ANKFN1: variants seen among roughly 807,000 people sequenced by gnomAD.
ANKFN1 encodes the protein ankyrin repeat and fibronectin type-III domain-containing protein 1.
In ANKFN1, 74 loss-of-function variants were observed where a neutral mutation model predicts 108.7. That is an observed-to-expected ratio of 0.68 (90% confidence interval 0.56 to 0.83). The LOEUF is 0.83. Ranked by LOEUF, ANKFN1 falls within the 40% of genes least tolerant of loss-of-function variation. The pLI, the probability that ANKFN1 is intolerant of heterozygous loss-of-function variation, is 0.00. For missense variants in ANKFN1, 1,505 were observed against 1,382.3 expected (o/e 1.09, Z -1.41); for synonymous variants, 547 against 516.2 (o/e 1.06, Z -0.81).
At chr17:56,217,224 A>G (rs1915488376) in intron 2 of ANKFN1, among the ~76,000 whole-genome samples, 2 of 152,124 alleles carry the variant, frequency 1.3e-5, no homozygotes, top group East Asian at 1.9e-4. Flanking sequence ...TCACCTCTCT[A>G]CTGTTCAACA....
intron 1 of ANKFN1, among the ~76,000 whole-genome samples, chr17:56,202,072 T>C (rs992823340): frequency 6.6e-6 from 1 of 152,206 alleles, no homozygotes; most frequent in Non-Finnish European, 1.5e-5. Flanking sequence ...TCCAGTCCTT[T>C]AATCTTTTCC....
chr17:56,147,641 C>T (rs916978386), intron 4 of ANKFN1, among the ~76,000 whole-genome samples: 6 of 152,166 alleles, frequency 3.9e-5, no homozygotes, highest in East Asian at 1.9e-4. Context: ...CCACCCTTGA[C>T]GTGTGGGGAT....
At chr17:56,489,178 A>ACTAT (rs1568044390) in intron 18 of ANKFN1, among the ~76,000 whole-genome samples, 1 of 152,214 alleles carries the variant, frequency 6.6e-6, no homozygotes. Flanking sequence ...TTAGTCTGCC[A>ACTAT]CTATCTTATG....
chr17:56,171,777 G>A (rs1239045301), intron 1 of ANKFN1, among the ~76,000 whole-genome samples: 3 of 152,148 alleles, frequency 2.0e-5, no homozygotes, highest in Non-Finnish European at 4.4e-5. Context: ...CAGATGAGAA[G>A]ATAGAAAACA....
intron 19 of ANKFN1, among the ~76,000 whole-genome samples, chr17:56,492,849 G>A (rs998476826): frequency 6.6e-6 from 1 of 152,142 alleles, no homozygotes; most frequent in African/African-American, 2.4e-5. Flanking sequence ...GTTAAGATCA[G>A]AAAATGTGTT....
intron 3 of ANKFN1, among the ~76,000 whole-genome samples, chr17:56,312,952 C>T (rs142922202): frequency 0.025 from 3,745 of 152,090 alleles, 126 homozygotes; most frequent in East Asian, 0.096. Flanking sequence ...GTCAGGAGTT[C>T]AAGACCAGCC....
intron 3 of ANKFN1, among the ~76,000 whole-genome samples, chr17:56,279,427 AC>A (rs2044014046): frequency 6.6e-6 from 1 of 152,140 alleles, no homozygotes. Context: ...CTGTGTTTTC[AC>A]CCAAGAAGCA....
chr17:56,266,474 C>T (rs1017581416), intron 3 of ANKFN1, among the ~76,000 whole-genome samples: 4 of 152,204 alleles, frequency 2.6e-5, no homozygotes, highest in East Asian at 1.9e-4. Context: ...TGATAACCTA[C>T]TCTGTGCACA....
At position 56,485,708 on chromosome 17, in the gene ANKFN1, A is replaced by G. The variant is rs2050833199; in HGVS notation, c.2260+3184A>G. On this transcript the variant is annotated intron_variant, in intron 18 of 20. Transcript: ENST00000682825. ...ACCCAGCATTTTCCAAATTCATTTG[A>G]CGATGACTAGAGCAATGTTTTTCAT... is the stretch of plus-strand genomic sequence containing the variant. Among the ~76,000 whole-genome samples, 3 of 152,240 alleles carry G rather than the reference A, an allele frequency of 2.0e-5. No homozygotes were observed. In the South Asian group the frequency reaches 6.2e-4, roughly 32 times the overall value.
chr17:56,301,801 A>T (rs1598376963), intron 3 of ANKFN1, among the ~76,000 whole-genome samples: 1 of 152,232 alleles, frequency 6.6e-6, no homozygotes, highest in Non-Finnish European at 1.5e-5. Context: ...GAGACTGCAT[A>T]TGACATTGAC....
At chr17:56,449,053 C>T (rs769396902) in intron 10 of ANKFN1, 26 bp from the exon 11 acceptor site, 2 of 1,600,582 alleles carry the variant, frequency 1.2e-6, no homozygotes, top group Non-Finnish European at 1.7e-6. Flanking sequence ...TAAAATTTCA[C>T]TATGTTTATT....
At chr17:56,258,240 T>C (rs1334924801) in intron 3 of ANKFN1, 1 of 152,244 alleles carries the variant, frequency 6.6e-6, no homozygotes, top group Non-Finnish European at 1.5e-5. Flanking sequence ...GGTGAACTTT[T>C]AGGAACTTTC....
chr17:56,389,187 AT>A (rs1305898202), intron 8 of ANKFN1, among the ~76,000 whole-genome samples: 1 of 152,216 alleles, frequency 6.6e-6, no homozygotes. Context: ...GAATGGTTAA[AT>A]TGTGGTATAT....
At chr17:56,387,428 C>T (rs1451725993) in intron 8 of ANKFN1, among the ~76,000 whole-genome samples, 3 of 152,144 alleles carry the variant, frequency 2.0e-5, no homozygotes, top group Non-Finnish European at 4.4e-5. Flanking sequence ...CAAGGAATCA[C>T]TTTAAATTTC....
intron 15 of ANKFN1, among the ~76,000 whole-genome samples, chr17:56,475,823 C>CT (rs1444121545): frequency 6.6e-6 from 1 of 152,160 alleles, no homozygotes; most frequent in Non-Finnish European, 1.5e-5. Flanking sequence ...TATGCTCCTA[C>CT]TTACAGGAAA....
At position 56,511,383 on chromosome 17, in the gene ANKFN1, A is replaced by G; in HGVS notation, c.*114A>G. ...CTCATTTTCAAGCGTTTTGAATGTT[A>G]TAAATACAAAGGTTACAAGTTCAAG... On this transcript the variant is annotated 3_prime_UTR_variant, in exon 21 of 21. Transcript: ENST00000682825. 1 of 1,165,842 alleles carries G rather than the reference A, an allele frequency of 8.6e-7. No homozygotes were observed. Among genetic ancestry groups the G allele is most frequent in the East Asian group, 2.6e-5 (1 of 38,586 alleles). The allele number at this position is 1,165,842 out of a possible 1,614,324, so 72.2% of individuals were successfully genotyped here. A position where few individuals can be genotyped will look rare whatever the true frequency, so the allele number is the denominator to read the frequency against.
intron 4 of ANKFN1, among the ~76,000 whole-genome samples, chr17:56,327,998 A>T (rs2045567906): frequency 6.6e-6 from 1 of 152,182 alleles, no homozygotes; most frequent in African/African-American, 2.4e-5. Flanking sequence ...GCATGATCAC[A>T]CTTAGGGAAT....
intron 20 of ANKFN1, among the ~76,000 whole-genome samples, chr17:56,508,176 C>T (rs1284054968): frequency 6.6e-6 from 1 of 152,184 alleles, no homozygotes; most frequent in African/African-American, 2.4e-5. Flanking sequence ...CCCAGCTGGC[C>T]TCCCTGCTAT....
intron 11 of ANKFN1, among the ~76,000 whole-genome samples, chr17:56,456,161 T>C (rs1319736762): frequency 1.3e-5 from 2 of 152,082 alleles, no homozygotes; most frequent in African/African-American, 4.8e-5. Flanking sequence ...TTTACCAACA[T>C]TGAGAATTGT....
Sources: allele counts gnomAD v4.1 joint callset (sites outside exome capture counted in the v4.1 genomes callset), GRCh38; gene constraint gnomAD v4.1.1; transcripts MANE v1.5; gene names NCBI Gene and HGNC (gene_info 2026-07-23, HGNC 2026-07-21).